SIPA1L1: variants seen among roughly 807,000 people sequenced by gnomAD.
SIPA1L1 encodes signal induced proliferation associated 1 like 1, also known as signal-induced proliferation-associated 1-like protein 1.
Under a neutral mutation model 162.7 loss-of-function variants are expected in SIPA1L1, and 26 were observed. The observed-to-expected ratio is 0.16, with a 90% CI of 0.12 to 0.22. The LOEUF (loss-of-function observed/expected upper bound fraction) is 0.22. SIPA1L1 is among the 10% of genes least tolerant of loss of function. The pLI is 1.00. For synonymous variants in SIPA1L1, 829 were observed against 837.4 expected (o/e 0.99, Z 0.17); for missense variants, 1,874 against 2,241.0 (o/e 0.84, Z 3.31).
chr14:71,720,375 G>A (rs1479729870), intron 17 of SIPA1L1, among the ~76,000 whole-genome samples: 3 of 152,078 alleles, frequency 2.0e-5, no homozygotes, highest in Non-Finnish European at 4.4e-5. Flanking sequence ...GAGGTCAGGA[G>A]TTTGAGACCA....
intron 5 of SIPA1L1, among the ~76,000 whole-genome samples, chr14:71,610,738 A>T (rs1236352987): frequency 6.6e-6 from 1 of 152,048 alleles, no homozygotes; most frequent in African/African-American, 2.4e-5. Flanking sequence ...TTTAGATGCA[A>T]TTTATTAATA....
At chr14:71,357,949 C>G (rs1269259225) in intron 2 of SIPA1L1, among the ~76,000 whole-genome samples, 3 of 152,100 alleles carry the variant, frequency 2.0e-5, no homozygotes. Flanking sequence ...CCAGGTTGGT[C>G]TCGAACTCCT....
chr14:71,438,455 C>G (rs2044580745), intron 2 of SIPA1L1, among the ~76,000 whole-genome samples: 1 of 152,374 alleles, frequency 6.6e-6, no homozygotes, highest in East Asian at 1.9e-4. Flanking sequence ...CCACCCACAT[C>G]AGCAGCACCT....
chr14:71,519,315 C>G (rs1054831857), intron 3 of SIPA1L1, among the ~76,000 whole-genome samples: 9 of 151,596 alleles, frequency 5.9e-5, no homozygotes, highest in African/African-American at 1.9e-4. Flanking sequence ...AAACAAAAAC[C>G]CTCCTAATAA....
intron 4 of SIPA1L1, among the ~76,000 whole-genome samples, chr14:71,568,595 G>A (rs890435619): frequency 2.0e-5 from 3 of 152,180 alleles, no homozygotes; most frequent in East Asian, 1.9e-4. Flanking sequence ...CTTGGATCTT[G>A]TGCAAGAAAG....
rs1017276129 is a variant in SIPA1L1 at position 71,522,803 on chromosome 14, C to G, written c.-361-6509C>G. On this transcript the variant is annotated intron_variant, in intron 3 of 23. Coordinates refer to ENST00000381232, the MANE Select transcript of SIPA1L1 (RefSeq NM_001386936.1). ...CTACCTCTCAGGTTCAAGTGATTCT[C>G]CTGCCTCAGCCTCCCGAGTAGTTGG... 4.6e-5 allele frequency among the ~76,000 whole-genome samples: 7 copies of G among 151,882 alleles called. 1 individual carries two copies. The highest frequency in any genetic ancestry group is 6.6e-5 in the Admixed American group (1 of 15,250).
At chr14:71,623,889 C>G (rs2039703657) in intron 6 of SIPA1L1, among the ~76,000 whole-genome samples, 159 bp from the exon 7 acceptor site, 1 of 152,196 alleles carries the variant, frequency 6.6e-6, no homozygotes, top group Non-Finnish European at 1.5e-5. Context: ...CAGTATCCTA[C>G]ATCACTTTTC....
intron 5 of SIPA1L1, among the ~76,000 whole-genome samples, chr14:71,616,741 A>G (rs1596444947): frequency 6.6e-6 from 1 of 152,294 alleles, no homozygotes; most frequent in African/African-American, 2.4e-5. Context: ...GAGAAGGTAG[A>G]TGAGGAGTGG....
chr14:71,366,931 TAA>T (rs1226122681), intron 2 of SIPA1L1, among the ~76,000 whole-genome samples: 1 of 152,192 alleles, frequency 6.6e-6, no homozygotes, highest in Admixed American at 6.5e-5. Flanking sequence ...TTGGGATCTA[TAA>T]GTTACACAAG....
intron 2 of SIPA1L1, among the ~76,000 whole-genome samples, chr14:71,440,302 C>T (rs2044734412): frequency 1.3e-5 from 2 of 152,044 alleles, no homozygotes; most frequent in African/African-American, 2.4e-5. Context: ...GCTAGGATTA[C>T]AGGCATGAGC....
rs934855198 is a variant in SIPA1L1, at chr14:71,533,959, C to T, written c.-303+4589C>T. Among the ~76,000 whole-genome samples, 14 of 151,960 alleles carry T rather than the reference C, an allele frequency of 9.2e-5. 1 individual carries two copies. The highest frequency in any genetic ancestry group is 9.2e-4 in the Admixed American group (14 of 15,224). ...GCCAGTTTGGCTGAGTGCTGTGACT[C>T]ATGCGTGTAATCCCAGTACTTTGGG... On this transcript the variant is annotated intron_variant, in intron 4 of 23. Coordinates refer to ENST00000381232, the MANE Select transcript of SIPA1L1 (RefSeq NM_001386936.1).
chr14:71,704,755 T>G, intron 15 of SIPA1L1: 3 of 1,613,114 alleles, frequency 1.9e-6, no homozygotes, highest in East Asian at 4.5e-5. Flanking sequence ...ATTTCAATTC[T>G]TTTGTCCTCG....
chr14:71,495,157 G>A (rs996452860), intron 2 of SIPA1L1, among the ~76,000 whole-genome samples: 1 of 152,168 alleles, frequency 6.6e-6, no homozygotes. Flanking sequence ...GCTGGGAAGT[G>A]TTGTCTCTTT....
chr14:71,586,254 T>C (rs1160830084), intron 4 of SIPA1L1: 2 of 148,380 alleles, frequency 1.3e-5, no homozygotes, highest in African/African-American at 5.0e-5. Flanking sequence ...GAAACACCCC[T>C]ACATGTTCCA....
intron 18 of SIPA1L1, among the ~76,000 whole-genome samples, 187 bp from the exon 19 acceptor site, chr14:71,724,483 A>G (rs1360057143): frequency 6.6e-6 from 1 of 152,148 alleles, no homozygotes; most frequent in Non-Finnish European, 1.5e-5. Context: ...TTTGTGTTTC[A>G]AATTGGTTTT....
intron 2 of SIPA1L1, among the ~76,000 whole-genome samples, chr14:71,394,847 T>C (rs1348286830): frequency 6.6e-6 from 1 of 152,214 alleles, no homozygotes; most frequent in East Asian, 1.9e-4. Context: ...GTTAAAATAA[T>C]TTGTGTGATT....
At chr14:71,462,739 T>G (rs1315816826) in intron 2 of SIPA1L1, among the ~76,000 whole-genome samples, 5 of 152,200 alleles carry the variant, frequency 3.3e-5, no homozygotes, top group Non-Finnish European at 7.4e-5. Flanking sequence ...CAGCATAATG[T>G]CATCAACGTA....
At chr14:71,626,452 A>G (rs2039997231) in intron 7 of SIPA1L1, among the ~76,000 whole-genome samples, 2 of 152,232 alleles carry the variant, frequency 1.3e-5, no homozygotes, top group Admixed American at 1.3e-4. Flanking sequence ...AGCAGACGAC[A>G]TGCATACTTA....
chr14:71,359,758 C>G (rs2037622275), intron 2 of SIPA1L1, among the ~76,000 whole-genome samples: 1 of 152,068 alleles, frequency 6.6e-6, no homozygotes, highest in Non-Finnish European at 1.5e-5. Flanking sequence ...CTGGAACCTC[C>G]TTGCTTGTTT....
Sources: allele counts gnomAD v4.1 joint callset (sites outside exome capture counted in the v4.1 genomes callset), GRCh38; gene constraint gnomAD v4.1.1; transcripts MANE v1.5; gene names NCBI Gene and HGNC (gene_info 2026-07-23, HGNC 2026-07-21).